ULK4: variants seen among roughly 807,000 people sequenced by gnomAD.
The protein encoded by ULK4 is inactive serine/threonine-protein kinase ULK4.
A neutral mutation model predicts 160.6 loss-of-function variants in ULK4; 133 were observed. The ratio of observed to expected loss-of-function variants is 0.83; its 90% CI spans 0.72 to 0.96. The LOEUF (loss-of-function observed/expected upper bound fraction) is 0.96. Ranked by LOEUF, ULK4 falls within the 40% of genes least tolerant of loss-of-function variation. The probability of loss-of-function intolerance (pLI) is 0.00; values close to 1 mark genes in which losing one functional copy is unlikely to be tolerated. For missense variants in ULK4, 1,580 were observed against 1,499.5 expected, an observed-to-expected ratio of 1.05 and a Z score of -0.89; for synonymous variants, 534 against 539.8, an observed-to-expected ratio of 0.99 and a Z score of 0.15.
At chr3:41,838,215 G>A (rs1186188015) in intron 17 of ULK4, among the ~76,000 whole-genome samples, 1 of 152,122 alleles carries the variant, frequency 6.6e-6, no homozygotes, top group Admixed American at 6.6e-5. Context: ...AACACAGTAG[G>A]CCAAAATATA....
intron 35 of ULK4, among the ~76,000 whole-genome samples, chr3:41,378,722 T>C (rs1377681776): frequency 5.9e-5 from 9 of 151,912 alleles, no homozygotes; most frequent in East Asian, 3.9e-4. Context: ...ATGGCACATA[T>C]ATACATATGT....
intron 32 of ULK4, among the ~76,000 whole-genome samples, chr3:41,490,661 C>T (rs7647148): frequency 0.41 from 62,475 of 152,102 alleles, 13,018 homozygotes; most frequent in African/African-American, 0.44. Context: ...AGGCAAAACA[C>T]ATTTTTAAAA....
At chr3:41,806,663 C>T (rs1305286299) in intron 19 of ULK4, among the ~76,000 whole-genome samples, 1 of 151,880 alleles carries the variant, frequency 6.6e-6, no homozygotes, top group Non-Finnish European at 1.5e-5. Context: ...TGAACATGTC[C>T]CAGAGATTCT....
At chr3:41,558,545 T>C (rs1049716761) in intron 32 of ULK4, among the ~76,000 whole-genome samples, 1 of 151,384 alleles carries the variant, frequency 6.6e-6, no homozygotes, top group Non-Finnish European at 1.5e-5. Context: ...CTCTACTAAA[T>C]ATACAAAAAT....
At chr3:41,396,113 T>A (rs971016894) in intron 35 of ULK4, among the ~76,000 whole-genome samples, 1 of 152,042 alleles carries the variant, frequency 6.6e-6, no homozygotes, top group Admixed American at 6.6e-5. Flanking sequence ...AAATCCAAAC[T>A]TTTTTTCGTA....
intron 35 of ULK4, among the ~76,000 whole-genome samples, chr3:41,381,985 A>T (rs1452996145): frequency 1.3e-5 from 2 of 152,114 alleles, no homozygotes; most frequent in African/African-American, 4.8e-5. Context: ...TTGTGGCCTT[A>T]GCACTTGCTA....
At chr3:41,789,874 C>A in intron 20 of ULK4, 31 bp from the exon 21 acceptor site, 2 of 1,520,122 alleles carry the variant, frequency 1.3e-6, no homozygotes, top group African/African-American at 2.8e-5. Context: ...ACCTGTCAGG[C>A]AACTCCAAGT....
At chr3:41,572,822 T>C (rs2088045245) in intron 31 of ULK4, among the ~76,000 whole-genome samples, 1 of 150,420 alleles carries the variant, frequency 6.6e-6, no homozygotes, top group Non-Finnish European at 1.5e-5. Context: ...TATTAGACAA[T>C]TACAGGAAAC....
At chr3:41,955,245 G>T (rs550317620) in intron 1 of ULK4, among the ~76,000 whole-genome samples, 1 of 152,166 alleles carries the variant, frequency 6.6e-6, no homozygotes, top group Non-Finnish European at 1.5e-5. Flanking sequence ...AGCCGAGATC[G>T]CACCACTGCA....
rs756610955 is a variant in ULK4, at chr3:41,705,286, T to C, written c.2654A>G (p.Asp885Gly). ...GTILSHIKSV[D>G]SGETNIDGAI... is the part of the protein sequence containing the mutation. The stretch of plus-strand genomic sequence containing the variant: ...TCCATCTATGTTCGTTTCTCCTGAG[T>C]CTACAGATTTAATATGACTCTGAAA... The change falls in exon 26 of 37, where the codon GAC becomes GGC. Residue 885 changes from aspartate (D) to glycine (G), a missense_variant. Physicochemically the swap from Asp to Gly is moderately conservative, Grantham distance 94 (BLOSUM62 -1). Transcript: ENST00000301831. 1.5e-5 allele frequency: 24 copies of C among 1,612,508 alleles called. No individual in the cohort carries two copies. Among genetic ancestry groups the C allele is most frequent in the Non-Finnish European group, 2.0e-5 (23 of 1,179,408 alleles).
chr3:41,264,095 G>A (rs1041456882), intron 35 of ULK4, among the ~76,000 whole-genome samples: 2 of 152,232 alleles, frequency 1.3e-5, no homozygotes, highest in Non-Finnish European at 2.9e-5. Context: ...GTAGAATGAT[G>A]AGAAAGAACC....
intron 30 of ULK4, among the ~76,000 whole-genome samples, chr3:41,646,575 T>C (rs527530429): frequency 1.1e-4 from 16 of 152,370 alleles, no homozygotes; most frequent in South Asian, 4.1e-4. Flanking sequence ...GTTAGTCTGA[T>C]GGGCTTCCCT....
chr3:41,291,310 G>A lies in ULK4; in HGVS notation c.3679-41736C>T, dbSNP rs191315359. 1.2e-3 allele frequency among the ~76,000 whole-genome samples: 181 copies of A among 146,992 alleles called. 1 individual carries two copies. The highest frequency in any genetic ancestry group is 4.4e-3 in the African/African-American group (172 of 39,532). Reference sequence around the variant, plus strand: ...AGAGATAAGTATAAGAGGAAAGAAAGGAAGGAAGGAGAAAAGAAAGAGAAA... The same window carrying A: ...AGAGATAAGTATAAGAGGAAAGAAAAGAAGGAAGGAGAAAAGAAAGAGAAA... On this transcript the variant is annotated intron_variant, in intron 35 of 36. Coordinates refer to ENST00000301831, the MANE Select transcript of ULK4 (RefSeq NM_017886.4).
rs892859112 is a variant in ULK4, at chr3:41,361,159, C to T, written c.3678+36920G>A. Among the ~76,000 whole-genome samples, 90 of 152,082 alleles carry T rather than the reference C, an allele frequency of 5.9e-4. 1 individual carries two copies. The highest frequency in any genetic ancestry group is 2.1e-3 in the African/African-American group (86 of 41,424). On this transcript the variant is annotated intron_variant, in intron 35 of 36. Transcript: ENST00000301831. ...TGGCCCCTCCAGTAAGAGGGAACAG[C>T]AGCCTTGTGGCACAGGTGCAGGCAG...
chr3:41,295,847 C>A (rs11718282), intron 35 of ULK4, among the ~76,000 whole-genome samples: 44,288 of 152,090 alleles, frequency 0.29, 6,847 homozygotes, highest in Middle Eastern at 0.35. Flanking sequence ...AACGGTCCAT[C>A]CACTTTGAAA....
intron 32 of ULK4, among the ~76,000 whole-genome samples, chr3:41,476,045 A>G (rs1453743731): frequency 4.3e-5 from 6 of 138,058 alleles, no homozygotes; most frequent in Non-Finnish European, 7.8e-5. Flanking sequence ...AGAGGAGGGA[A>G]AAAGGAAGGA....
chr3:41,954,495 T>A, intron 2 of ULK4, 127 bp downstream of exon 2: 4 of 1,029,440 alleles, frequency 3.9e-6, no homozygotes, highest in Non-Finnish European at 1.4e-6. Flanking sequence ...CAGATGAAGG[T>A]CATCCATTCC....
intron 20 of ULK4, among the ~76,000 whole-genome samples, chr3:41,791,877 A>G (rs544353023): frequency 2.0e-5 from 3 of 152,354 alleles, no homozygotes; most frequent in African/African-American, 7.2e-5. Context: ...TGAAACACCT[A>G]TAAAATTCTA....
intron 29 of ULK4, among the ~76,000 whole-genome samples, chr3:41,666,556 G>T (rs900252960): frequency 3.9e-5 from 6 of 152,180 alleles, no homozygotes; most frequent in Non-Finnish European, 8.8e-5. Flanking sequence ...TGGCCAGACA[G>T]AATCAAATTG....
Sources: allele counts gnomAD v4.1 joint callset (sites outside exome capture counted in the v4.1 genomes callset), GRCh38; gene constraint gnomAD v4.1.1; transcripts MANE v1.5; gene names NCBI Gene and HGNC (gene_info 2026-07-23, HGNC 2026-07-21).